KPNA4: variants seen among roughly 807,000 people sequenced by gnomAD.
KPNA4 encodes the protein importin subunit alpha-3.
In KPNA4, 13 loss-of-function variants were observed where a neutral mutation model predicts 71.3. The ratio of observed to expected loss-of-function variants is 0.18; its 90% CI spans 0.12 to 0.29. The LOEUF is 0.29. Ranked by LOEUF, KPNA4 falls within the 10% of genes least tolerant of loss-of-function variation. KPNA4 has a pLI of 1.00. For synonymous variants in KPNA4, 189 were observed against 195.2 expected (o/e 0.97, Z 0.26); for missense variants, 334 against 603.2 (o/e 0.55, Z 4.67).
chr3:160,513,932 G>A, intron 13 of KPNA4, 145 bp downstream of exon 13: 2 of 445,544 alleles, frequency 4.5e-6, no homozygotes, highest in Non-Finnish European at 7.5e-6. Flanking sequence ...AGGTTCAAAA[G>A]TCGTAATGTT....
rs992722267 is a variant in KPNA4 at position 160,565,463 on chromosome 3, C to T, written c.-181G>A. The T allele has an allele frequency of 8.6e-6, 5 of 580,438 alleles. No individual in the cohort carries two copies. Among genetic ancestry groups the T allele is most frequent in the Non-Finnish European group, 1.5e-5 (5 of 331,286 alleles). The allele number at this position is 580,438 out of a possible 1,614,324, so 36.0% of individuals were successfully genotyped here. ...CTTCTCCTCTCCCCGCCCGCCCCCC[C>T]GCCCTAACCCCAGCGCGACTGCAGC... On this transcript the variant is annotated 5_prime_UTR_variant, in exon 1 of 17. Coordinates refer to ENST00000334256, the MANE Select transcript of KPNA4 (RefSeq NM_002268.5).
chr3:160,519,801 CAAAAAA>C lies in KPNA4; in HGVS notation c.903+1972_903+1977del, dbSNP rs558355699. Among the ~76,000 whole-genome samples the C allele has an allele frequency of 7.8e-3, 654 of 83,660 alleles. 6 individuals are homozygous for C. The highest frequency in any genetic ancestry group is 0.028 in the African/African-American group (622 of 22,016). 54.9% of individuals were successfully genotyped at this position (83,660 alleles called of 152,430 possible). ...TGGGCGACAGAGCGAGACTCCGTCT[CAAAAAA>C]AAAAAAAAAAAAAAAAAAATAGGCT... On this transcript the variant is annotated intron_variant, in intron 11 of 16. Coordinates refer to ENST00000334256, the MANE Select transcript of KPNA4 (RefSeq NM_002268.5).
intron 11 of KPNA4, among the ~76,000 whole-genome samples, chr3:160,519,958 T>C (rs1324590927): frequency 2.0e-5 from 3 of 152,106 alleles, no homozygotes; most frequent in African/African-American, 7.2e-5. Flanking sequence ...TTTTATGAAA[T>C]TATGGCATGA....
chr3:160,535,969 A>C, intron 2 of KPNA4, 72 bp from the exon 3 acceptor site: 1 of 1,089,840 alleles, frequency 9.2e-7, no homozygotes, highest in Non-Finnish European at 1.2e-6. Context: ...GAATACTTTC[A>C]TACAAAGCTC....
intron 1 of KPNA4, among the ~76,000 whole-genome samples, chr3:160,560,686 A>G (rs932169900): frequency 2.0e-5 from 3 of 152,000 alleles, no homozygotes; most frequent in Non-Finnish European, 2.9e-5. Flanking sequence ...ATACTTAGTG[A>G]CTACGAAAAA....
At chr3:160,559,111 G>T (rs888138122) in intron 1 of KPNA4, among the ~76,000 whole-genome samples, 1 of 152,012 alleles carries the variant, frequency 6.6e-6, no homozygotes, top group African/African-American at 2.4e-5. Flanking sequence ...ATTTTTACTT[G>T]AAAAAACGAC....
chr3:160,517,069 C>T (rs1372945557), intron 11 of KPNA4, among the ~76,000 whole-genome samples: 1 of 151,880 alleles, frequency 6.6e-6, no homozygotes, highest in Non-Finnish European at 1.5e-5. Context: ...GTATCTAATT[C>T]CAGAACACTT....
rs1720769992 is a variant in KPNA4, at chr3:160,496,645, T to C, written c.*5459A>G. ...GAATTTTCTTTATGAAGAATAAAAG[T>C]GGAAGAACTGATAGTCTGGAAAGGT... is the stretch of plus-strand genomic sequence containing the variant. On this transcript the variant is annotated 3_prime_UTR_variant, in exon 17 of 17. Transcript: ENST00000334256. 6.6e-6 allele frequency: 1 copy of C among 152,126 alleles called. No individual in the cohort carries two copies. The highest frequency in any genetic ancestry group is 1.9e-4 in the East Asian group (1 of 5,186). 9.4% of individuals were successfully genotyped at this position (152,126 alleles called of 1,614,324 possible).
In KPNA4 at chr3:160,502,041, C is replaced by A; in HGVS notation, c.*63G>T. 3 of 431,538 alleles carry A rather than the reference C, an allele frequency of 7.0e-6. No individual in the cohort carries two copies. The highest frequency in any genetic ancestry group is 1.2e-5 in the Non-Finnish European group (3 of 243,596). 26.7% of individuals were successfully genotyped at this position (431,538 alleles called of 1,614,324 possible). A position where few individuals can be genotyped will look rare whatever the true frequency, so the allele number is the denominator to read the frequency against. The stretch of plus-strand genomic sequence containing the variant: ...ATATATGTATATATATATATATATA[C>A]ACACACACATATATATATATATATC... On this transcript the variant is annotated 3_prime_UTR_variant, in exon 17 of 17. Transcript: ENST00000334256.
intron 1 of KPNA4, among the ~76,000 whole-genome samples, chr3:160,553,629 T>G (rs1033804054): frequency 1.3e-5 from 2 of 152,190 alleles, no homozygotes; most frequent in African/African-American, 4.8e-5. Flanking sequence ...CCTTGCATTC[T>G]TAAAAGCCTA....
In KPNA4 at chr3:160,508,096, A is replaced by G; in HGVS notation, c.1372+11T>C. On this transcript the variant is annotated intron_variant, in intron 15 of 16. Coordinates refer to ENST00000334256, the MANE Select transcript of KPNA4 (RefSeq NM_002268.5). ...ATTAAGATGTGGAATAAGAGCTTAT[A>G]ATAAACTTACCTCCACATTCTTCTA... 1.3e-6 allele frequency: 2 copies of G among 1,591,950 alleles called. No individual in the cohort carries two copies. Among genetic ancestry groups the G allele is most frequent in the Non-Finnish European group, 1.7e-6 (2 of 1,170,646 alleles).
chr3:160,529,161 T>C (rs536377052), intron 7 of KPNA4, among the ~76,000 whole-genome samples: 1 of 152,242 alleles, frequency 6.6e-6, no homozygotes, highest in Non-Finnish European at 1.5e-5. Context: ...CTCTAGCTCC[T>C]GGACTCCAGT....
rs138041051 is a variant in KPNA4 at position 160,503,845 on chromosome 3, G to A, written c.1467+1113C>T. On this transcript the variant is annotated intron_variant, in intron 16 of 16. Transcript: ENST00000334256. ...TGCCTGTAATCCCAGCACTTTGGGA[G>A]GCCAAGATGGGAGAATTGTTTGAGT... 4.5e-3 allele frequency among the ~76,000 whole-genome samples: 678 copies of A among 152,336 alleles called. 7 individuals are homozygous for A. The highest frequency in any genetic ancestry group is 0.016 in the African/African-American group (653 of 41,586).
chr3:160,504,908 A>T (rs778499473), intron 16 of KPNA4, 50 bp downstream of exon 16: 2 of 836,818 alleles, frequency 2.4e-6, no homozygotes, highest in Non-Finnish European at 1.8e-6. Context: ...TACTTTATCC[A>T]GATCTATGTT....
chr3:160,530,456 C>T (rs372583860), intron 7 of KPNA4, among the ~76,000 whole-genome samples: 23 of 151,714 alleles, frequency 1.5e-4, no homozygotes, highest in African/African-American at 4.8e-4. Context: ...TCCAGCCTGG[C>T]CAAAAGAGTA....
chr3:160,504,229 T>C (rs1720938743), intron 16 of KPNA4, among the ~76,000 whole-genome samples: 1 of 152,222 alleles, frequency 6.6e-6, no homozygotes, highest in African/African-American at 2.4e-5. Context: ...GTTCAAACTA[T>C]ACATACTTAA....
chr3:160,512,081 G>A (rs148833267), intron 13 of KPNA4, among the ~76,000 whole-genome samples: 2 of 151,804 alleles, frequency 1.3e-5, no homozygotes, highest in African/African-American at 4.8e-5. Flanking sequence ...CATTTATTTT[G>A]TTGATTCAGG....
chr3:160,534,677 A>C (rs1341780183), intron 5 of KPNA4, among the ~76,000 whole-genome samples: 1 of 137,884 alleles, frequency 7.3e-6, no homozygotes, highest in Non-Finnish European at 1.5e-5. Flanking sequence ...AGATTGCGCC[A>C]CTGGACTCCA....
rs548333202 is a variant in KPNA4, at chr3:160,513,384, T to C, written c.1137+693A>G. Reference sequence around the variant, plus strand: ...GATCCTCCCACCGTAGCTTCCCAAGTAGCTAGAACCACAGGCGCATGCTAC... The same window carrying C: ...GATCCTCCCACCGTAGCTTCCCAAGCAGCTAGAACCACAGGCGCATGCTAC... On this transcript the variant is annotated intron_variant, in intron 13 of 16. Transcript: ENST00000334256. 3.7e-4 allele frequency among the ~76,000 whole-genome samples: 55 copies of C among 150,664 alleles called. 1 individual carries two copies. In the South Asian group the frequency reaches 7.0e-3, roughly 19 times the overall value.
Sources: gnomAD v4.1 joint callset for allele counts (sites outside exome capture counted in the v4.1 genomes callset) on GRCh38, gnomAD v4.1.1 for gene constraint, MANE v1.5 for transcripts, NCBI Gene and HGNC (gene_info 2026-07-23, HGNC 2026-07-21) for gene names.